The following PCDH15 variants were observed in gnomAD, a reference collection of about 807,000 sequenced individuals.
The protein encoded by PCDH15 is protocadherin related 15, also known as protocadherin-15.
PCDH15 carries 129 observed loss-of-function variants against 178.5 expected under a neutral mutation model. That is an observed-to-expected ratio of 0.72 (90% confidence interval 0.63 to 0.84). PCDH15 has a LOEUF of 0.84. Among genes scored for constraint, PCDH15 ranks in the 40% least tolerant of loss-of-function variants. PCDH15 has a pLI of 0.00. For synonymous variants in PCDH15, 800 were observed against 732.0 expected (o/e 1.09, Z -1.50); for missense variants, 2,230 against 2,099.9 (o/e 1.06, Z -1.21).
intron 21 of PCDH15, among the ~76,000 whole-genome samples, chr10:53,977,626 A>C (rs1329735728): frequency 6.6e-6 from 1 of 152,142 alleles, no homozygotes; most frequent in Non-Finnish European, 1.5e-5. Flanking sequence ...ACATTTCAAA[A>C]CACAATCATG....
chr10:55,501,152 T>C (rs1308816846), intron 2 of PCDH15, among the ~76,000 whole-genome samples: 1 of 151,610 alleles, frequency 6.6e-6, no homozygotes, highest in African/African-American at 2.4e-5. Flanking sequence ...TGCCACATAA[T>C]GGCAGAGGCA....
intron 3 of PCDH15, among the ~76,000 whole-genome samples, chr10:54,870,611 C>T (rs1257037966): frequency 2.0e-5 from 3 of 151,720 alleles, no homozygotes; most frequent in African/African-American, 7.3e-5. Context: ...CGGTGAAAAC[C>T]CGTCTCTACT....
intron 28 of PCDH15, among the ~76,000 whole-genome samples, chr10:53,844,321 G>T (rs2077840455): frequency 6.6e-6 from 1 of 151,928 alleles, no homozygotes; most frequent in Non-Finnish European, 1.5e-5. Flanking sequence ...AGTTAGTAAA[G>T]AACTTAAGTA....
chr10:54,495,953 G>C (rs532541007), intron 3 of PCDH15, among the ~76,000 whole-genome samples: 1 of 152,046 alleles, frequency 6.6e-6, no homozygotes, highest in Admixed American at 6.6e-5. Context: ...GAAATCTTAA[G>C]AATAGGACTC....
intron 15 of PCDH15, among the ~76,000 whole-genome samples, chr10:54,131,269 T>G (rs1241975758): frequency 6.6e-6 from 1 of 152,162 alleles, no homozygotes; most frequent in Middle Eastern, 3.2e-3. Flanking sequence ...GGCACATACT[T>G]GACAAATATT....
intron 2 of PCDH15, among the ~76,000 whole-genome samples, chr10:55,621,979 TTCTC>T (rs1027495739): frequency 6.9e-6 from 1 of 144,752 alleles, no homozygotes; most frequent in Non-Finnish European, 1.5e-5. Context: ...TATACTCTCG[TTCTC>T]TCTCTATATA....
At chr10:55,541,447 G>A (rs184683089) in intron 2 of PCDH15, among the ~76,000 whole-genome samples, 8 of 151,876 alleles carry the variant, frequency 5.3e-5, no homozygotes, top group Admixed American at 5.3e-4. Context: ...AATAGATTTA[G>A]GAATACTAAG....
chr10:54,302,892 C>T (rs1048761297), intron 8 of PCDH15, among the ~76,000 whole-genome samples: 4 of 152,026 alleles, frequency 2.6e-5, no homozygotes, highest in Non-Finnish European at 5.9e-5. Flanking sequence ...GACTATTAGG[C>T]TTTACAAGCC....
chr10:53,880,204 GT>G (rs1453703360), intron 26 of PCDH15, among the ~76,000 whole-genome samples: 3 of 152,072 alleles, frequency 2.0e-5, no homozygotes, highest in Non-Finnish European at 4.4e-5. Flanking sequence ...AGACTTCACA[GT>G]TCATAATAAA....
chr10:53,898,550 A>C (rs2082121222), intron 26 of PCDH15, among the ~76,000 whole-genome samples: 1 of 152,170 alleles, frequency 6.6e-6, no homozygotes, highest in African/African-American at 2.4e-5. Flanking sequence ...AAACCATAGT[A>C]AATATAGATC....
chr10:54,100,782 A>AT (rs1211683960), intron 15 of PCDH15, among the ~76,000 whole-genome samples: 3 of 152,160 alleles, frequency 2.0e-5, no homozygotes, highest in African/African-American at 4.8e-5. Context: ...ATATGATACC[A>AT]TATTAGCAGA....
intron 3 of PCDH15, among the ~76,000 whole-genome samples, chr10:54,503,856 A>C (rs973031054): frequency 9.2e-5 from 14 of 152,140 alleles, no homozygotes; most frequent in African/African-American, 3.1e-4. Context: ...TAATAAAGGC[A>C]GTCCAAATTC....
At chr10:54,672,942 A>G (rs950757355) in intron 1 of PCDH15, among the ~76,000 whole-genome samples, 1 of 152,160 alleles carries the variant, frequency 6.6e-6, no homozygotes, top group African/African-American at 2.4e-5. Flanking sequence ...AAAGATTCAT[A>G]ACAGTTCTAA....
Position 55,383,373 on chromosome 10 carries a change from G to A in PCDH15, c.-155-216722C>T, listed in dbSNP as rs142373427. The stretch of plus-strand genomic sequence containing the variant: ...GGAGTTTGGGGTTTTTATGGGTAGC[G>A]GATGAGGGGCATGGCGGGCTGGGGT... On this transcript the variant is annotated intron_variant, in intron 2 of 5. Coordinates refer to the PCDH15 transcript ENST00000613346. 4.3e-3 allele frequency among the ~76,000 whole-genome samples: 657 copies of A among 152,162 alleles called. 10 individuals carry two copies. Among genetic ancestry groups the A allele is most frequent in the African/African-American group, 0.015 (612 of 41,532 alleles).
At chr10:53,835,862 A>AGAT (rs2077275471) in intron 29 of PCDH15, among the ~76,000 whole-genome samples, 1 of 152,224 alleles carries the variant, frequency 6.6e-6, no homozygotes, top group African/African-American at 2.4e-5. Context: ...TTCTTTGCGT[A>AGAT]GATTTCTGTA....
At chr10:54,653,893 G>C (rs1252452488) in intron 2 of PCDH15, among the ~76,000 whole-genome samples, 1 of 152,114 alleles carries the variant, frequency 6.6e-6, no homozygotes, top group East Asian at 1.9e-4. Context: ...TACATATTTT[G>C]GGGTACAATG....
At chr10:54,178,199 G>A (rs1165626208) in intron 13 of PCDH15, among the ~76,000 whole-genome samples, 1 of 152,090 alleles carries the variant, frequency 6.6e-6, no homozygotes, top group Non-Finnish European at 1.5e-5. Flanking sequence ...ACTTTGACAT[G>A]TAGAAATAGA....
intron 2 of PCDH15, among the ~76,000 whole-genome samples, chr10:54,613,458 A>G (rs1382175086): frequency 6.6e-6 from 1 of 151,654 alleles, no homozygotes; most frequent in Non-Finnish European, 1.5e-5. Context: ...TCAAGATGAA[A>G]TATAAAAAGC....
At chr10:53,914,669 C>T (rs559439529) in intron 25 of PCDH15, among the ~76,000 whole-genome samples, 2 of 151,908 alleles carry the variant, frequency 1.3e-5, no homozygotes, top group Non-Finnish European at 2.9e-5. Flanking sequence ...ATGTAAATGT[C>T]GAGTTAATGG....
Sources: allele counts gnomAD v4.1 joint callset (sites outside exome capture counted in the v4.1 genomes callset), GRCh38; gene constraint gnomAD v4.1.1; transcripts MANE v1.5; gene names NCBI Gene and HGNC (gene_info 2026-07-23, HGNC 2026-07-21).